Variants in ATP7A observed in about 807,000 individuals in gnomAD.
The protein encoded by ATP7A is ATPase copper transporting alpha, also known as copper-transporting ATPase 1.
ATP7A carries 7 observed loss-of-function variants against 83.5 expected under a neutral mutation model. The observed-to-expected ratio is 0.08, with a 90% CI of 0.05 to 0.16. The LOEUF (loss-of-function observed/expected upper bound fraction) is 0.16, where lower values mean the gene tolerates loss of function less well. Among genes scored for constraint, ATP7A ranks in the 10% least tolerant of loss-of-function variants. ATP7A has a pLI of 1.00. For synonymous variants in ATP7A, 354 were observed against 395.2 expected (o/e 0.90, Z 1.24); for missense variants, 940 against 1,120.8 (o/e 0.84, Z 2.30).
intron 14 of ATP7A, among the ~76,000 whole-genome samples, chrX:78,028,349 C>A (rs782279528): frequency 1.9e-4 from 21 of 111,069 alleles, no homozygotes; most frequent in African/African-American, 6.2e-4. Flanking sequence ...CCACCATGCC[C>A]AGCTAATTTT....
Position 78,009,043 on chromosome X carries a change from C to G in ATP7A, c.1708-59C>G, listed in dbSNP as rs941523651. On this transcript the variant is annotated intron_variant, in intron 6 of 22. Coordinates refer to ENST00000341514, the MANE Select transcript of ATP7A (RefSeq NM_000052.7). ...AAAAAAAAAAAAAAAAAAGTGGTAA[C>G]TCATGTTTAATGGTGGAAAAAGTAT... The G allele has an allele frequency of 7.6e-6, 7 of 921,358 alleles. No individual in the cohort carries two copies. In the African/African-American group the frequency reaches 1.4e-4, roughly 19 times the overall value. 75.9% of individuals were successfully genotyped at this position (921,358 alleles called of 1,213,427 possible).
chrX:77,920,522 C>T (rs1222615268), intron 1 of ATP7A, among the ~76,000 whole-genome samples: 2 of 111,037 alleles, frequency 1.8e-5, no homozygotes, highest in Non-Finnish European at 1.9e-5. Context: ...CGGCTGAGTA[C>T]CCATTGTTTA....
At chrX:78,040,774 T>C in intron 19 of ATP7A, 41 bp downstream of exon 19, 1 of 1,179,282 alleles carries the variant, frequency 8.5e-7, no homozygotes, top group Middle Eastern at 2.7e-4. Context: ...ATTATTGATA[T>C]ACATTTTATA....
intron 1 of ATP7A, among the ~76,000 whole-genome samples, chrX:77,944,391 C>T (rs1347322023): frequency 9.0e-6 from 1 of 111,383 alleles, no homozygotes; most frequent in African/African-American, 3.3e-5. Flanking sequence ...ATAAAGAACT[C>T]CCAACTGGTA....
chrX:77,986,334 T>C (rs1234342832), intron 2 of ATP7A, among the ~76,000 whole-genome samples: 1 of 112,630 alleles, frequency 8.9e-6, no homozygotes, highest in Non-Finnish European at 1.9e-5. Context: ...TTAACTATTG[T>C]AGACAATTTA....
chrX:77,949,711 T>C (rs147518263), intron 1 of ATP7A, among the ~76,000 whole-genome samples: 12 of 111,826 alleles, frequency 1.1e-4, no homozygotes, highest in African/African-American at 3.2e-4. Context: ...AGTTAACCCA[T>C]TGGAGGTTGG....
chrX:77,982,187 C>T (rs782560336), intron 2 of ATP7A, among the ~76,000 whole-genome samples: 23 of 111,509 alleles, frequency 2.1e-4, no homozygotes, highest in Non-Finnish European at 2.6e-4. Flanking sequence ...ATTGATTAAT[C>T]ATGTCACTTT....
chrX:77,996,475 T>C (rs1380653534), intron 4 of ATP7A, among the ~76,000 whole-genome samples: 2 of 111,504 alleles, frequency 1.8e-5, no homozygotes, highest in Non-Finnish European at 3.8e-5. Context: ...TGTAGAAAAA[T>C]TAAAATTAAA....
chrX:78,021,184 G>A, intron 14 of ATP7A, 105 bp downstream of exon 14: 2 of 870,824 alleles, frequency 2.3e-6, no homozygotes, highest in Non-Finnish European at 3.3e-6. Flanking sequence ...GATCTTTAAA[G>A]GTTTGGAGTG....
rs782349186 is a variant in ATP7A, at chrX:78,038,937, G to C, written c.3613G>C (p.Glu1205Gln). The C allele has an allele frequency of 6.9e-5, 83 of 1,209,724 alleles. No individual in the cohort carries two copies. In the Admixed American group the frequency reaches 1.8e-3, roughly 26 times the overall value. The change falls in exon 18 of 23, where the codon GAA becomes CAA. Residue 1205 changes from glutamate (E) to glutamine (Q), a missense_variant. Physicochemically the swap from Glu to Gln is conservative, Grantham distance 29. This residue lies in a region of ATP7A where 386 missense variants were observed against 502.2 expected (regional missense o/e 0.77). Transcript: ENST00000341514. Reference protein sequence around the residue: ...INNDVNDFMTEHERKGRTAVL... With the variant: ...INNDVNDFMTQHERKGRTAVL... ...TAACGATGTAAATGATTTCATGACT[G>C]AACATGAGAGAAAAGGTCGGACTGC...
chrX:77,928,451 C>T (rs1211881792), intron 1 of ATP7A, among the ~76,000 whole-genome samples: 1 of 110,897 alleles, frequency 9.0e-6, no homozygotes, highest in Non-Finnish European at 1.9e-5. Context: ...GACATGTGCT[C>T]GACCTGTTAT....
intron 1 of ATP7A, among the ~76,000 whole-genome samples, chrX:77,947,574 G>A (rs2077387079): frequency 9.2e-6 from 1 of 108,163 alleles, no homozygotes; most frequent in African/African-American, 3.4e-5. Flanking sequence ...GAGTAGCTGG[G>A]ATTACAGGCG....
At chrX:78,011,072 C>T in intron 7 of ATP7A, 104 bp from the exon 8 acceptor site, 1 of 680,997 alleles carries the variant, frequency 1.5e-6, no homozygotes, top group Non-Finnish European at 2.3e-6. Flanking sequence ...GTGACTTGCC[C>T]TCAGTAATTG....
At chrX:77,931,427 A>G (rs1207847577) in intron 1 of ATP7A, among the ~76,000 whole-genome samples, 5 of 111,977 alleles carry the variant, frequency 4.5e-5, no homozygotes, top group Admixed American at 9.4e-5. Flanking sequence ...CTACACAGAC[A>G]CGGCAACCAT....
At chrX:78,005,949 C>G (rs2077772580) in intron 6 of ATP7A, among the ~76,000 whole-genome samples, 1 of 111,044 alleles carries the variant, frequency 9.0e-6, no homozygotes, top group African/African-American at 3.3e-5. Flanking sequence ...CAAGCGTCAG[C>G]ACCCCAAAAT....
intron 4 of ATP7A, among the ~76,000 whole-genome samples, chrX:77,992,279 G>A: frequency 9.1e-6 from 1 of 109,397 alleles, no homozygotes; most frequent in Non-Finnish European, 1.9e-5. Flanking sequence ...TGGTCAGGCT[G>A]GTCTTGAACT....
chrX:78,024,153 C>T (rs1034476628), intron 14 of ATP7A, among the ~76,000 whole-genome samples: 4 of 111,587 alleles, frequency 3.6e-5, no homozygotes, highest in South Asian at 3.6e-4. Flanking sequence ...AGTTGATCTA[C>T]GTGTCTATTT....
rs1557234761 is a variant in ATP7A, at chrX:78,013,107, G to A, written c.2401G>A (p.Ala801Thr). ...ACTAGGCCGATGGCTGGAACATATA[G>A]CAAAGGTAAAGTAAGAAAGGGTGAC... is the stretch of plus-strand genomic sequence containing the variant. ...IALGRWLEHI[A>T]KGKTSEALAK... is the part of the protein sequence containing the mutation. Residue 801 changes from alanine to threonine, a missense_variant, in exon 10 of 23, where the codon GCA becomes ACA. Coordinates refer to ENST00000341514, the MANE Select transcript of ATP7A (RefSeq NM_000052.7). The A allele has an allele frequency of 8.3e-7, 1 of 1,202,552 alleles. No homozygotes were observed. Among genetic ancestry groups the A allele is most frequent in the Admixed American group, 2.2e-5 (1 of 45,971 alleles).
At position 78,011,249 on chromosome X, in the gene ATP7A, G is replaced by C; in HGVS notation, c.1943G>C (p.Arg648Thr). The change falls in exon 8 of 23, where the codon AGA becomes ACA. Residue 648 changes from arginine (R) to threonine (T), a missense_variant. Transcript: ENST00000341514. ...CACTTAGATCATAAACGAGAAATAA[G>C]ACAGTAAGTACTTTGGAGTGTCAGT... ...ASHLDHKREI[R>T]QWRRSFLVSL... 8.3e-7 allele frequency: 1 copy of C among 1,207,175 alleles called. No individual in the cohort carries two copies.
Sources: gnomAD v4.1 joint callset for allele counts (sites outside exome capture counted in the v4.1 genomes callset) on GRCh38, gnomAD v4.1.1 for gene constraint, gnomAD v4.1.1 regional missense constraint, MANE v1.5 for transcripts, NCBI Gene and HGNC (gene_info 2026-07-23, HGNC 2026-07-21) for gene names.